Variants in SBK1 observed in about 807,000 individuals in gnomAD.
SBK1 encodes serine/threonine-protein kinase SBK1.
A neutral mutation model predicts 24.4 loss-of-function variants in SBK1; 11 were observed. That is an observed-to-expected ratio of 0.45 (90% CI 0.28 to 0.75). The LOEUF (loss-of-function observed/expected upper bound fraction) is 0.75. Among genes scored for constraint, SBK1 ranks in the 30% least tolerant of loss-of-function variants. The pLI is 0.12. For missense variants in SBK1, 467 were observed against 620.5 expected (o/e 0.75, Z 2.63); for synonymous variants, 308 against 284.4 (o/e 1.08, Z -0.83).
At chr16:28,291,328 A>G, upstream of SBK1, 1 of 151,668 alleles carries the variant, frequency 6.6e-6, no homozygotes, top group Non-Finnish European at 1.5e-5. Flanking sequence ...GGACACAGGA[A>G]GGGGAACATC....
intron 1 of SBK1, among the ~76,000 whole-genome samples, chr16:28,280,121 A>AC (rs1359242477): frequency 1.8e-5 from 1 of 54,856 alleles, no homozygotes; most frequent in African/African-American, 7.4e-5. Context: ...AAAACTATAT[A>AC]TATATATATA....
At position 28,292,938 on chromosome 16, in the gene SBK1, G is replaced by A. The variant is rs1193603050; in HGVS notation, c.-370G>A. 5.2e-6 allele frequency: 5 copies of A among 969,112 alleles called. No homozygotes were observed. In the African/African-American group the frequency reaches 8.9e-5, roughly 17 times the overall value. The allele number at this position is 969,112 out of a possible 1,614,324, so 60.0% of individuals were successfully genotyped here. ...GGGCCCCCGCCCCAAGACCTAGAAC[G>A]CAGTGCCCCCAGGCCGGGATTGCGA... is the stretch of plus-strand genomic sequence containing the variant. On this transcript the variant is annotated 5_prime_UTR_variant, in exon 1 of 4. Coordinates refer to ENST00000341901, the MANE Select transcript of SBK1 (RefSeq NM_001024401.3).
chr16:28,313,569 G>A (rs913584431), intron 1 of SBK1, among the ~76,000 whole-genome samples: 6 of 149,384 alleles, frequency 4.0e-5, no homozygotes, highest in African/African-American at 1.5e-4. Context: ...CTGCACTCCA[G>A]CCTGGGTGAC....
At chr16:28,261,438 C>G (rs950291461) in intron 1 of SBK1, among the ~76,000 whole-genome samples, 17 of 84,600 alleles carry the variant, frequency 2.0e-4, no homozygotes, top group African/African-American at 5.1e-4. Flanking sequence ...TACACACACA[C>G]ACACACACAC....
intron 1 of SBK1, among the ~76,000 whole-genome samples, chr16:28,308,546 C>G (rs1326381790): frequency 7.3e-6 from 1 of 136,282 alleles, no homozygotes; most frequent in Non-Finnish European, 1.5e-5. Context: ...CCTCAGCCTC[C>G]CAAGTATCTG....
intron 1 of SBK1, among the ~76,000 whole-genome samples, chr16:28,301,846 G>A (rs1448829902): frequency 6.6e-6 from 1 of 152,200 alleles, no homozygotes; most frequent in African/African-American, 2.4e-5. Flanking sequence ...GCAAACTGAG[G>A]CTTAGGCAGG....
At chr16:28,295,382 A>G (rs1047576428) in intron 1 of SBK1, among the ~76,000 whole-genome samples, 6 of 152,042 alleles carry the variant, frequency 3.9e-5, no homozygotes, top group African/African-American at 1.4e-4. Flanking sequence ...CCACTCTAGG[A>G]TGGCTCCGGA....
At chr16:28,299,630 C>T (rs961756742) in intron 1 of SBK1, among the ~76,000 whole-genome samples, 2 of 152,200 alleles carry the variant, frequency 1.3e-5, no homozygotes, top group Non-Finnish European at 2.9e-5. Flanking sequence ...AAGCTTCCCC[C>T]ACCCCCTCCT....
At chr16:28,266,736 T>TCC (rs2044430850) in intron 1 of SBK1, among the ~76,000 whole-genome samples, 1 of 127,256 alleles carries the variant, frequency 7.9e-6, no homozygotes. Context: ...TTCTTTTCTT[T>TCC]TTTTTTTTTT....
chr16:28,300,939 G>C (rs968366277), intron 1 of SBK1, among the ~76,000 whole-genome samples: 1 of 152,192 alleles, frequency 6.6e-6, no homozygotes, highest in Non-Finnish European at 1.5e-5. Flanking sequence ...AGTCCATCCC[G>C]GTGTAGGAGC....
chr16:28,293,610 GC>G (rs1012681637), intron 1 of SBK1, among the ~76,000 whole-genome samples: 2 of 151,996 alleles, frequency 1.3e-5, no homozygotes, highest in Non-Finnish European at 2.9e-5. Flanking sequence ...AAAGCTGCGA[GC>G]CTGGAGGTTG....
intron 1 of SBK1, among the ~76,000 whole-genome samples, chr16:28,261,010 A>G (rs567869008): frequency 6.6e-6 from 1 of 152,166 alleles, no homozygotes; most frequent in Admixed American, 6.5e-5. Context: ...TAAGAAACAA[A>G]GTGTGGATGG....
At position 28,322,259 on chromosome 16, in the gene SBK1, A is replaced by G. The variant is rs61734826; in HGVS notation, c.*1338A>G. The G allele has an allele frequency of 0.019, 2,938 of 152,574 alleles. 61 individuals carry two copies. Among genetic ancestry groups the G allele is most frequent in the African/African-American group, 0.045 (1,848 of 41,494 alleles). The allele number at this position is 152,574 out of a possible 1,614,324, so 9.5% of individuals were successfully genotyped here. A position where few individuals can be genotyped will look rare whatever the true frequency, so the allele number is the denominator to read the frequency against. On this transcript the variant is annotated 3_prime_UTR_variant, in exon 4 of 4. Coordinates refer to ENST00000341901, the MANE Select transcript of SBK1 (RefSeq NM_001024401.3). ...AGGGCGCCCAGGCCTGCCTTGCACC[A>G]CAGCCCTCAGGAAATCCGGCAAGGA...
In SBK1 at chr16:28,295,677, A is replaced by G. The variant is rs77862301; in HGVS notation, c.-8+2377A>G. Among the ~76,000 whole-genome samples the G allele has an allele frequency of 2.3e-3, 353 of 152,248 alleles. 21 individuals carry two copies. The East Asian group carries it at 0.062, about 27-fold the overall frequency. On this transcript the variant is annotated intron_variant, in intron 1 of 3. Transcript: ENST00000341901. ...TTTTTGTTGGTCCAATGTATTTTAC[A>G]TGTTTGTCTTTGTTGTGAGTGCTTA...
chr16:28,298,563 G>A (rs921330485), intron 1 of SBK1, among the ~76,000 whole-genome samples: 3 of 152,228 alleles, frequency 2.0e-5, no homozygotes, highest in Admixed American at 6.5e-5. Context: ...AATAATAGCT[G>A]CCACTTCCTA....
intron 1 of SBK1, among the ~76,000 whole-genome samples, chr16:28,300,002 G>A (rs766972970): frequency 6.6e-6 from 1 of 152,138 alleles, no homozygotes; most frequent in Admixed American, 6.5e-5. Context: ...CTTCTCCATG[G>A]GCTGGCCTCC....
intron 1 of SBK1, among the ~76,000 whole-genome samples, chr16:28,314,050 CA>C: frequency 6.7e-6 from 1 of 150,144 alleles, no homozygotes; most frequent in Non-Finnish European, 1.5e-5. Flanking sequence ...GCACTTACTG[CA>C]TGCCACATGC....
In SBK1 at chr16:28,319,326, G is replaced by A; in HGVS notation, c.429+129G>A. The A allele has an allele frequency of 2.8e-6, 2 of 713,326 alleles. No individual in the cohort carries two copies. The highest frequency in any genetic ancestry group is 4.8e-6 in the Non-Finnish European group (2 of 413,210). The allele number at this position is 713,326 out of a possible 1,614,324, so 44.2% of individuals were successfully genotyped here. A position where few individuals can be genotyped will look rare whatever the true frequency, so the allele number is the denominator to read the frequency against. ...GCCTGCTGTATGTCAGTTACCATTT[G>A]GGGAGGTGGGGATGTGCAGTAAGGA... On this transcript the variant is annotated intron_variant, in intron 3 of 3. Coordinates refer to ENST00000341901, the MANE Select transcript of SBK1 (RefSeq NM_001024401.3). This position sits in a 1 kb window ranked among gnomAD's most constrained non-coding sequence, Gnocchi z 4.0.
intron 1 of SBK1, among the ~76,000 whole-genome samples, chr16:28,299,395 C>A (rs2044663647): frequency 6.6e-6 from 1 of 152,198 alleles, no homozygotes; most frequent in Non-Finnish European, 1.5e-5. Context: ...GAAGCTGTTT[C>A]CTCAAGATTC....
Sources: allele counts gnomAD v4.1 joint callset (sites outside exome capture counted in the v4.1 genomes callset), GRCh38; gene constraint gnomAD v4.1.1; non-coding constraint Gnocchi (gnomAD v3.1); transcripts MANE v1.5; gene names NCBI Gene and HGNC (gene_info 2026-07-23, HGNC 2026-07-21).